The following FAN1 variants were observed in gnomAD, a reference collection of about 807,000 sequenced individuals.
FAN1 encodes fanconi-associated nuclease 1.
FAN1 carries 91 observed loss-of-function variants against 104.9 expected under a neutral mutation model. The observed-to-expected ratio is 0.87, with a 90% CI of 0.73 to 1.03. The LOEUF is 1.03. Ranked by LOEUF, FAN1 falls within the 50% of genes least tolerant of loss-of-function variation. The pLI is 0.00. For synonymous variants in FAN1, 478 were observed against 457.6 expected, an observed-to-expected ratio of 1.04 and a Z score of -0.57; for missense variants, 1,263 against 1,239.9, an observed-to-expected ratio of 1.02 and a Z score of -0.28.
intron 13 of FAN1, among the ~76,000 whole-genome samples, chr15:30,932,076 G>A (rs2955793): frequency 6.6e-6 from 1 of 151,884 alleles, no homozygotes; most frequent in African/African-American, 2.4e-5. Flanking sequence ...CAAAAAATTA[G>A]CCGGGTGTGG....
At chr15:30,918,072 T>C (rs1443907809) in intron 5 of FAN1, 92 bp from the exon 6 acceptor site, 1 of 1,316,438 alleles carries the variant, frequency 7.6e-7, no homozygotes, top group Admixed American at 2.1e-5. Flanking sequence ...AAACACACTT[T>C]TACCTTTCAG....
chr15:30,913,540 T>C (rs2062140752), intron 4 of FAN1, among the ~76,000 whole-genome samples: 1 of 152,242 alleles, frequency 6.6e-6, no homozygotes, highest in Non-Finnish European at 1.5e-5. Flanking sequence ...TTGCTTCATG[T>C]TGACTAGGCA....
Position 30,930,578 on chromosome 15 carries a change from T to C in FAN1, c.2823T>C (p.Ser941=). 3 of 1,611,618 alleles carry C rather than the reference T, an allele frequency of 1.9e-6. No homozygotes were observed. The highest frequency in any genetic ancestry group is 2.5e-6 in the Non-Finnish European group (3 of 1,179,208). The change falls in exon 13 of 15, where the codon AGT becomes AGC. Residue 941 remains serine (S), a synonymous_variant. Transcript: ENST00000362065. The part of the protein sequence containing the change: ...LVSCLGGPVL[S]GVCRHLAADF... ...CCTGCCTGGGGGGCCCTGTGCTCAG[T>C]GGTGTGTGCAGGCACCTGGCTGCTG... is the stretch of plus-strand genomic sequence containing the variant.
intron 14 of FAN1, chr15:30,941,206 A>G: frequency 7.3e-7 from 1 of 1,371,146 alleles, no homozygotes; most frequent in South Asian, 1.2e-5. Flanking sequence ...GGAGACAAAA[A>G]TGTAGCAGAC....
At position 30,942,504 on chromosome 15, in the gene FAN1, G is replaced by A. The variant is rs868815611; in HGVS notation, c.*942G>A. The A allele has an allele frequency of 3.3e-4, 87 of 266,010 alleles. 1 individual carries two copies. The Middle Eastern group carries it at 4.5e-3, about 14-fold the overall frequency. 16.5% of individuals were successfully genotyped at this position (266,010 alleles called of 1,614,324 possible). The stretch of plus-strand genomic sequence containing the variant: ...AAAAAAATCCCAAGAATTTATTTGG[G>A]AATTATTAAAAAGGCAAACAATGAA... On this transcript the variant is annotated 3_prime_UTR_variant, in exon 15 of 15. Transcript: ENST00000362065.
In FAN1 at chr15:30,904,991, A is replaced by G; in HGVS notation, c.328A>G (p.Thr110Ala). The change falls in exon 2 of 15, where the codon ACC becomes GCC. Residue 110 changes from threonine (T) to alanine (A), a missense_variant. Physicochemically the swap from Thr to Ala is moderately conservative, Grantham distance 58. Transcript: ENST00000362065. ...KKSPPPKTNL[T>A]PGQSDSAKRE... ...GTCACCACCACCAAAGACAAATTTA[A>G]CCCCTGGCCAAAGTGATTCAGCAAA... 1.9e-6 allele frequency: 3 copies of G among 1,614,092 alleles called. No homozygotes were observed. The highest frequency in any genetic ancestry group is 2.5e-6 in the Non-Finnish European group (3 of 1,180,030).
At chr15:30,932,823 G>C (rs558200203) in intron 13 of FAN1, among the ~76,000 whole-genome samples, 4 of 148,124 alleles carry the variant, frequency 2.7e-5, no homozygotes, top group Non-Finnish European at 4.4e-5. Context: ...AGTGATTCTC[G>C]TGCCTCAGCC....
Position 30,943,076 on chromosome 15 carries a change from C to T in FAN1, c.*1514C>T, listed in dbSNP as rs935983552. ...TGTTTTTGCTTATAGCAAATTCCTG[C>T]AAAATAAATAAATAAATATTTGCAA... On this transcript the variant is annotated 3_prime_UTR_variant, in exon 15 of 15. Coordinates refer to ENST00000362065, the MANE Select transcript of FAN1 (RefSeq NM_014967.5). 1.3e-6 allele frequency: 2 copies of T among 1,524,338 alleles called. No individual in the cohort carries two copies. Among genetic ancestry groups the T allele is most frequent in the Admixed American group, 2.4e-5 (1 of 42,166 alleles). 94.4% of individuals were successfully genotyped at this position (1,524,338 alleles called of 1,614,324 possible). A position where few individuals can be genotyped will look rare whatever the true frequency, so the allele number is the denominator to read the frequency against.
At position 30,904,683 on chromosome 15, in the gene FAN1, C is replaced by A; in HGVS notation, c.20C>A (p.Pro7His). 1 of 1,605,314 alleles carries A rather than the reference C, an allele frequency of 6.2e-7. No homozygotes were observed. The highest frequency in any genetic ancestry group is 8.5e-7 in the Non-Finnish European group (1 of 1,175,968). ...ATACTCATGATGTCAGAAGGGAAAC[C>A]TCCTGACAAAAAAAGGCCTCGTAGA... Reference protein sequence around the residue: MMSEGKPPDKKRPRRSL... With the variant: MMSEGKHPDKKRPRRSL... Residue 7 changes from proline (P) to histidine (H), a missense_variant, in exon 2 of 15, where the codon CCT becomes CAT. Physicochemically the swap from Pro to His is moderately conservative, Grantham distance 77. Coordinates refer to ENST00000362065, the MANE Select transcript of FAN1 (RefSeq NM_014967.5).
intron 4 of FAN1, among the ~76,000 whole-genome samples, chr15:30,912,332 TAA>T (rs1190368817): frequency 6.6e-6 from 1 of 152,200 alleles, no homozygotes; most frequent in African/African-American, 2.4e-5. Context: ...GCTGTTATGA[TAA>T]AGAAACAGAA....
rs866653015 is a variant in FAN1, at chr15:30,928,461, C to A, written c.2489-92C>A. On this transcript the variant is annotated intron_variant, in intron 10 of 14. Transcript: ENST00000362065. ...TATTATTTTCTTGAAATTGAGTGTG[C>A]AGTAGGTTATGGTGGTGTTTTGGAA... 2.6e-6 allele frequency: 4 copies of A among 1,548,538 alleles called. No individual in the cohort carries two copies. The South Asian group carries it at 4.9e-5, about 19-fold the overall frequency.
intron 14 of FAN1, chr15:30,939,809 G>A: frequency 1.0e-6 from 1 of 985,202 alleles, no homozygotes; most frequent in East Asian, 1.1e-4. Flanking sequence ...GATTGGGTCT[G>A]GTTTCTAATC....
intron 11 of FAN1, 136 bp from the exon 12 acceptor site, chr15:30,929,067 T>C (rs2062545523): frequency 1.2e-6 from 1 of 835,796 alleles, no homozygotes; most frequent in Admixed American, 3.3e-5. Context: ...TTTATATCAA[T>C]TAACTTTTAC....
In FAN1 at chr15:30,905,223, C is replaced by T; in HGVS notation, c.560C>T (p.Thr187Ile). 1 of 1,613,770 alleles carries T rather than the reference C, an allele frequency of 6.2e-7. No homozygotes were observed. The highest frequency in any genetic ancestry group is 8.5e-7 in the Non-Finnish European group (1 of 1,179,844). The change falls in exon 2 of 15, where the codon ACA (threonine) becomes ATA (isoleucine). Residue 187 changes from threonine to isoleucine, a missense_variant. This residue lies in a region of FAN1 where 682 missense variants were observed against 571.1 expected (regional missense o/e 1.19). Transcript: ENST00000362065. Reference protein sequence around the residue: ...AGSSPQSSKSTVVKSLIDNSS... With the variant: ...AGSSPQSSKSIVVKSLIDNSS... ...TCTAGTCCACAGAGTTCCAAATCCA[C>T]AGTTGTTAAGAGCCTGATTGATAAC...
intron 14 of FAN1, among the ~76,000 whole-genome samples, chr15:30,938,258 CTTGAA>C (rs2062922992): frequency 6.6e-6 from 1 of 152,042 alleles, no homozygotes; most frequent in Non-Finnish European, 1.5e-5. Context: ...AACCGAGATT[CTTGAA>C]TTAAGTTTTT....
chr15:30,929,483 C>A, intron 12 of FAN1, 86 bp downstream of exon 12: 1 of 963,324 alleles, frequency 1.0e-6, no homozygotes, highest in Non-Finnish European at 1.6e-6. Flanking sequence ...TCAAAATACA[C>A]ATGTGTGTAT....
At chr15:30,924,242 C>G (rs1054116761) in intron 8 of FAN1, among the ~76,000 whole-genome samples, 1 of 152,210 alleles carries the variant, frequency 6.6e-6, no homozygotes, top group Non-Finnish European at 1.5e-5. Context: ...TTTCTAGCCA[C>G]TCATTGGTTG....
At chr15:30,923,679 G>A (rs1175898439) in intron 8 of FAN1, among the ~76,000 whole-genome samples, 3 of 152,224 alleles carry the variant, frequency 2.0e-5, no homozygotes, top group South Asian at 2.1e-4. Context: ...CCAGGCTGCC[G>A]CTGCCCGGCA....
intron 6 of FAN1, among the ~76,000 whole-genome samples, chr15:30,919,516 C>A (rs915378266): frequency 1.7e-4 from 26 of 151,232 alleles, no homozygotes; most frequent in Admixed American, 1.7e-3. Context: ...CATGGTGAAA[C>A]CTCGTCTCTA....
Sources: gnomAD v4.1 joint callset for allele counts (sites outside exome capture counted in the v4.1 genomes callset) on GRCh38, gnomAD v4.1.1 for gene constraint, gnomAD v4.1.1 regional missense constraint, MANE v1.5 for transcripts, NCBI Gene and HGNC (gene_info 2026-07-23, HGNC 2026-07-21) for gene names.